The following SEC11C variants were observed in gnomAD, a reference collection of about 807,000 sequenced individuals.
SEC11C encodes SEC11 homolog C, signal peptidase complex subunit.
SEC11C carries 10 observed loss-of-function variants against 21.9 expected under a neutral mutation model. That is an observed-to-expected ratio of 0.46 (90% CI 0.28 to 0.77). SEC11C has a LOEUF of 0.77. Among genes scored for constraint, SEC11C ranks in the 30% least tolerant of loss-of-function variants. The pLI is 0.12. For synonymous variants in SEC11C, 83 were observed against 85.6 expected (o/e 0.97, Z 0.17); for missense variants, 145 against 244.5 (o/e 0.59, Z 2.71).
intron 1 of SEC11C, among the ~76,000 whole-genome samples, chr18:59,145,401 T>G (rs2069261780): frequency 6.6e-6 from 1 of 152,236 alleles, no homozygotes; most frequent in South Asian, 2.1e-4. Context: ...AGGGCAGGGT[T>G]CTGTTGGACA....
chr18:59,143,210 G>C (rs932680873), intron 1 of SEC11C, among the ~76,000 whole-genome samples: 2 of 151,650 alleles, frequency 1.3e-5, no homozygotes, highest in African/African-American at 4.9e-5. Context: ...AAAATTAGCC[G>C]GGTGTGGTGG....
intron 5 of SEC11C, 122 bp from the exon 6 acceptor site, chr18:59,158,510 G>T: frequency 1.3e-6 from 1 of 774,642 alleles, no homozygotes. Flanking sequence ...AGCCATGGGG[G>T]GAAGAGGTAA....
At chr18:59,154,412 T>G (rs2069396022) in intron 3 of SEC11C, among the ~76,000 whole-genome samples, 1 of 152,198 alleles carries the variant, frequency 6.6e-6, no homozygotes, top group South Asian at 2.1e-4. Flanking sequence ...GCATTCTTTT[T>G]TCATCTGTCT....
chr18:59,149,762 T>C (rs1211329528), intron 2 of SEC11C, 140 bp downstream of exon 2: 6 of 481,056 alleles, frequency 1.2e-5, no homozygotes, highest in East Asian at 6.0e-5. Context: ...TTAGTCTTTA[T>C]TGATATCTAT....
chr18:59,149,713 C>A (rs368043482), intron 2 of SEC11C, 91 bp downstream of exon 2: 5 of 594,738 alleles, frequency 8.4e-6, no homozygotes, highest in African/African-American at 1.8e-5. Context: ...TGAAAACCTG[C>A]GTGACAGCTA....
At chr18:59,150,344 T>C (rs2069333332) in intron 2 of SEC11C, among the ~76,000 whole-genome samples, 1 of 152,206 alleles carries the variant, frequency 6.6e-6, no homozygotes, top group Admixed American at 6.5e-5. Context: ...GAGTTGAGGC[T>C]AGAACACAGG....
chr18:59,141,388 C>A (rs2069208565), intron 1 of SEC11C, among the ~76,000 whole-genome samples: 1 of 152,196 alleles, frequency 6.6e-6, no homozygotes, highest in Non-Finnish European at 1.5e-5. Flanking sequence ...GGAAGCAGAG[C>A]TTTGTTTAAA....
At chr18:59,157,498 A>T in intron 4 of SEC11C, 110 bp from the exon 5 acceptor site, 11 of 744,588 alleles carry the variant, frequency 1.5e-5, no homozygotes, top group Non-Finnish European at 2.2e-5. Context: ...GGTCAGTGGC[A>T]TTCCCTCGTA....
At chr18:59,153,049 A>AAAGG (rs1442209811) in intron 3 of SEC11C, 1 of 156,672 alleles carries the variant, frequency 6.4e-6, no homozygotes, top group African/African-American at 2.4e-5. Context: ...TTATTTTCTG[A>AAAGG]AATGCAAAAA....
intron 3 of SEC11C, among the ~76,000 whole-genome samples, chr18:59,153,953 C>T (rs568061606): frequency 7.1e-4 from 108 of 152,266 alleles, no homozygotes; most frequent in African/African-American, 2.6e-3. Context: ...GTGATCCATC[C>T]GCCTTGGCCT....
chr18:59,150,194 A>G (rs1283837288), intron 2 of SEC11C, among the ~76,000 whole-genome samples: 1 of 152,228 alleles, frequency 6.6e-6, no homozygotes, highest in Non-Finnish European at 1.5e-5. Flanking sequence ...ATTTGAAATC[A>G]AATGGCCGTG....
At chr18:59,155,585 C>T (rs2144043896) in intron 3 of SEC11C, 103 bp from the exon 4 acceptor site, 1 of 1,261,010 alleles carries the variant, frequency 7.9e-7, no homozygotes, top group East Asian at 2.4e-5. Context: ...GACTGTTTTT[C>T]TAAATGCTCC....
intron 2 of SEC11C, among the ~76,000 whole-genome samples, chr18:59,151,445 A>G (rs1463824162): frequency 1.3e-5 from 2 of 151,884 alleles, no homozygotes; most frequent in Non-Finnish European, 2.9e-5. Context: ...AGTCAGTTGT[A>G]TTTCTAGCCC....
intron 1 of SEC11C, among the ~76,000 whole-genome samples, chr18:59,140,477 C>T (rs1370703458): frequency 6.6e-6 from 1 of 152,224 alleles, no homozygotes; most frequent in African/African-American, 2.4e-5. Context: ...TTTCCTACAA[C>T]GGGAGCTGTC....
intron 2 of SEC11C, among the ~76,000 whole-genome samples, chr18:59,151,577 C>T (rs2069355302): frequency 6.6e-6 from 1 of 152,116 alleles, no homozygotes; most frequent in South Asian, 2.1e-4. Flanking sequence ...TGCATTTCTC[C>T]CTGCCACCTT....
At chr18:59,143,075 G>A (rs1028946356) in intron 1 of SEC11C, among the ~76,000 whole-genome samples, 2 of 152,126 alleles carry the variant, frequency 1.3e-5, no homozygotes, top group African/African-American at 4.8e-5. Context: ...TGTGTAGGCT[G>A]AGTGCAGTGG....
intron 2 of SEC11C, among the ~76,000 whole-genome samples, chr18:59,151,558 G>T (rs150891646): frequency 3.6e-4 from 55 of 152,220 alleles, no homozygotes; most frequent in African/African-American, 1.3e-3. Context: ...AAGGTACTTA[G>T]TGACAGGCTG....
intron 1 of SEC11C, chr18:59,147,297 G>A (rs1023660236): frequency 4.6e-5 from 7 of 152,346 alleles, no homozygotes; most frequent in African/African-American, 1.4e-4. Flanking sequence ...TTGGATAGTT[G>A]AGGAAAATGA....
At chr18:59,144,482 C>CA (rs1290168692) in intron 1 of SEC11C, among the ~76,000 whole-genome samples, 7 of 152,134 alleles carry the variant, frequency 4.6e-5, no homozygotes, top group African/African-American at 1.7e-4. Context: ...CCTATAGTCC[C>CA]AGCACTTTGG....
Sources: gnomAD v4.1 joint callset for allele counts (sites outside exome capture counted in the v4.1 genomes callset) on GRCh38, gnomAD v4.1.1 for gene constraint, MANE v1.5 for transcripts, NCBI Gene and HGNC (gene_info 2026-07-23, HGNC 2026-07-21) for gene names.